Variants in CTBP2 observed in about 807,000 individuals in gnomAD.
CTBP2 encodes the protein C-terminal binding protein 2.
A neutral mutation model predicts 80.3 loss-of-function variants in CTBP2; 30 were observed. That is an observed-to-expected ratio of 0.37 (90% CI 0.28 to 0.51). The LOEUF (loss-of-function observed/expected upper bound fraction) is 0.51. Ranked by LOEUF, CTBP2 falls within the 20% of genes least tolerant of loss-of-function variation. The pLI is 0.93. For synonymous variants in CTBP2, 594 were observed against 587.4 expected (o/e 1.01, Z -0.16); for missense variants, 1,212 against 1,375.3 (o/e 0.88, Z 1.88).
intron 5 of CTBP2, 152 bp from the exon 8 acceptor site, chr10:124,994,137 G>A: frequency 9.1e-7 from 1 of 1,093,698 alleles, no homozygotes. Flanking sequence ...GGGAAGTGTT[G>A]GTGACGGCTG....
At chr10:125,036,776 G>A (rs1427132477) in intron 3 of CTBP2, among the ~76,000 whole-genome samples, 3 of 151,326 alleles carry the variant, frequency 2.0e-5, no homozygotes, top group Admixed American at 6.6e-5. Flanking sequence ...CCAACAAGCT[G>A]GTATGAGAGA....
At chr10:124,997,774 C>T (rs1953829307) in intron 4 of CTBP2, 190 bp downstream of exon 6, 1 of 608,758 alleles carries the variant, frequency 1.6e-6, no homozygotes, top group Non-Finnish European at 2.9e-6. Context: ...CAGCCCAGAT[C>T]CTGCCTCTAG....
At chr10:125,001,814 C>T (rs7923776) in intron 3 of CTBP2, among the ~76,000 whole-genome samples, 64,359 of 152,036 alleles carry the variant, frequency 0.42, 15,505 homozygotes, top group East Asian at 0.66. Context: ...CCCGACTGGC[C>T]GTGAAGGATT....
chr10:125,125,627 TC>T (rs1855107633), intron 1 of CTBP2, among the ~76,000 whole-genome samples: 1 of 152,254 alleles, frequency 6.6e-6, no homozygotes, highest in Non-Finnish European at 1.5e-5. Context: ...TGTCACATAC[TC>T]ACTGTCCCAA....
At chr10:125,144,380 A>G (rs1858377152) in intron 1 of CTBP2, among the ~76,000 whole-genome samples, 1 of 152,220 alleles carries the variant, frequency 6.6e-6, no homozygotes, top group African/African-American at 2.4e-5. Flanking sequence ...CGGCTTGCCA[A>G]TTCCTCAAGT....
chr10:125,019,455 A>T (rs891346015), intron 1 of CTBP2, among the ~76,000 whole-genome samples: 3 of 151,226 alleles, frequency 2.0e-5, no homozygotes, highest in African/African-American at 7.3e-5. Context: ...TCCTGTTAAT[A>T]TATGTTGGCT....
chr10:125,056,053 T>C (rs1205452662), intron 2 of CTBP2, among the ~76,000 whole-genome samples: 1 of 151,932 alleles, frequency 6.6e-6, no homozygotes, highest in African/African-American at 2.4e-5. Flanking sequence ...TAGTCCCAGC[T>C]ACTCAGGAGG....
chr10:125,094,498 C>T (rs752275456), intron 2 of CTBP2, among the ~76,000 whole-genome samples: 205 of 152,350 alleles, frequency 1.3e-3, no homozygotes, highest in Non-Finnish European at 2.5e-3. Flanking sequence ...CCTCTGACAA[C>T]GGCTACAGGG....
chr10:125,071,502 C>T (rs1426883480), intron 2 of CTBP2, among the ~76,000 whole-genome samples: 1 of 152,204 alleles, frequency 6.6e-6, no homozygotes, highest in Non-Finnish European at 1.5e-5. Context: ...ACTGCTGGAA[C>T]AAGGCGAAGG....
chr10:125,082,475 C>T (rs1044646966), intron 2 of CTBP2, among the ~76,000 whole-genome samples: 2 of 152,160 alleles, frequency 1.3e-5, no homozygotes, highest in Non-Finnish European at 2.9e-5. Context: ...ATTTAATAGG[C>T]CTCTTGCCTC....
chr10:125,106,651 A>G (rs1268211897), intron 2 of CTBP2, among the ~76,000 whole-genome samples: 17 of 152,202 alleles, frequency 1.1e-4, no homozygotes, highest in Admixed American at 1.1e-3. Context: ...TGTGCCCACC[A>G]TCCTGCAGAT....
chr10:125,087,075 CTT>C lies in CTBP2; in HGVS notation c.-102+23913_-102+23914del, dbSNP rs564770474. 1.9e-3 allele frequency among the ~76,000 whole-genome samples: 253 copies of C among 136,484 alleles called. 1 individual carries two copies. The highest frequency in any genetic ancestry group is 4.6e-3 in the African/African-American group (169 of 36,894). 89.5% of individuals were successfully genotyped at this position (136,484 alleles called of 152,430 possible). On this transcript the variant is annotated intron_variant, in intron 2 of 10. Coordinates refer to the CTBP2 transcript ENST00000337195. ...AAAGGAAAATTTGGGCAATTTCTTT[CTT>C]TTTTTTTTTTTTTTTGAGACAGAGT...
intron 1 of CTBP2, among the ~76,000 whole-genome samples, chr10:125,157,439 C>G (rs1407002377): frequency 6.7e-6 from 1 of 150,364 alleles, no homozygotes; most frequent in African/African-American, 2.4e-5. Flanking sequence ...TTTACCTTAT[C>G]TTTCTGAACA....
rs765851841 is a variant in CTBP2 at position 125,002,257 on chromosome 10, G to A, written c.1978+703C>T. Among the ~76,000 whole-genome samples the A allele has an allele frequency of 3.5e-4, 53 of 152,358 alleles. No individual in the cohort carries two copies. The Middle Eastern group carries it at 0.01, about 29-fold the overall frequency. On this transcript the variant is annotated intron_variant, in intron 3 of 8. Coordinates refer to ENST00000309035, the MANE Select transcript of CTBP2 (RefSeq NM_022802.3). ...TGGCCCTCTCCCGAGGACGCTCGAT[G>A]CCAGCGGTCTGCTTCTTGTGCCTCT...
chr10:125,159,958 CTT>C (rs537040538), intron 1 of CTBP2: 34 of 136,972 alleles, frequency 2.5e-4, no homozygotes, highest in South Asian at 8.1e-4. Context: ...CTCGGGGTTT[CTT>C]TTTTTTTTTT....
At chr10:125,105,913 T>C (rs977510408) in intron 2 of CTBP2, among the ~76,000 whole-genome samples, 1 of 152,202 alleles carries the variant, frequency 6.6e-6, no homozygotes, top group Non-Finnish European at 1.5e-5. Context: ...AACTTGACAG[T>C]AAACACAATG....
At chr10:125,060,578 G>A (rs1317916691) in intron 2 of CTBP2, among the ~76,000 whole-genome samples, 1 of 152,144 alleles carries the variant, frequency 6.6e-6, no homozygotes. Flanking sequence ...TGTTGTGGAA[G>A]AGAATGGCAA....
At chr10:125,105,059 G>C (rs535793206) in intron 2 of CTBP2, among the ~76,000 whole-genome samples, 18 of 152,230 alleles carry the variant, frequency 1.2e-4, no homozygotes, top group Non-Finnish European at 2.6e-4. Flanking sequence ...TAAGTAGAGG[G>C]GTGTGATCAC....
In CTBP2 at chr10:125,025,711, T is replaced by C. The variant is rs1378498082; in HGVS notation, c.1678+371A>G. On this transcript the variant is annotated intron_variant, in intron 1 of 8. Transcript: ENST00000309035. Reference sequence around the variant, plus strand: ...CGTTCCTGCCTTCTCCAAAGTTCCCTAGTGTGAACTACAGAAAGGGCCACC... The same window carrying C: ...CGTTCCTGCCTTCTCCAAAGTTCCCCAGTGTGAACTACAGAAAGGGCCACC... Among the ~76,000 whole-genome samples the C allele has an allele frequency of 2.6e-5, 4 of 152,324 alleles. No individual in the cohort carries two copies. The East Asian group carries it at 7.7e-4, about 29-fold the overall frequency.
Sources: allele counts gnomAD v4.1 joint callset (sites outside exome capture counted in the v4.1 genomes callset), GRCh38; gene constraint gnomAD v4.1.1; transcripts MANE v1.5; gene names NCBI Gene and HGNC (gene_info 2026-07-23, HGNC 2026-07-21).